MYRIP: variants seen among roughly 807,000 people sequenced by gnomAD.
MYRIP encodes the protein rab effector MyRIP.
In MYRIP, 49 loss-of-function variants were observed where a neutral mutation model predicts 98.0. That is an observed-to-expected ratio of 0.50 (90% CI 0.40 to 0.63). MYRIP has a LOEUF of 0.63. Ranked by LOEUF, MYRIP falls within the 30% of genes least tolerant of loss-of-function variation. MYRIP has a pLI of 0.00. For missense variants in MYRIP, 1,004 were observed against 1,058.2 expected, an observed-to-expected ratio of 0.95 and a Z score of 0.71; for synonymous variants, 404 against 409.5, an observed-to-expected ratio of 0.99 and a Z score of 0.16.
intron 2 of MYRIP, among the ~76,000 whole-genome samples, chr3:40,029,855 T>C (rs1947218313): frequency 6.6e-6 from 1 of 151,942 alleles, no homozygotes; most frequent in Middle Eastern, 3.2e-3. Flanking sequence ...AAGCTAGGAA[T>C]TTGAGACCAG....
intron 1 of MYRIP, among the ~76,000 whole-genome samples, chr3:39,877,123 G>A (rs1943021515): frequency 6.6e-6 from 1 of 152,196 alleles, no homozygotes; most frequent in East Asian, 1.9e-4. Context: ...CTTTCTTCCA[G>A]TTGATCGCAT....
At chr3:39,811,381 G>T (rs370762471) in intron 1 of MYRIP, among the ~76,000 whole-genome samples, 2 of 152,088 alleles carry the variant, frequency 1.3e-5, no homozygotes, top group Non-Finnish European at 2.9e-5. Flanking sequence ...TTAAAAAGTC[G>T]AAGGAAGATG....
intron 10 of MYRIP, among the ~76,000 whole-genome samples, chr3:40,202,906 C>CTTACTTATTTATTTATTTAT (rs369594921): frequency 1.4e-4 from 20 of 142,424 alleles, no homozygotes; most frequent in East Asian, 4.2e-4. Context: ...CCTCCATTTA[C>CTTACTTATTTATTTATTTAT]TTATTTATTT....
chr3:39,896,692 T>C (rs986357722), intron 1 of MYRIP, among the ~76,000 whole-genome samples: 1 of 152,206 alleles, frequency 6.6e-6, no homozygotes, highest in Non-Finnish European at 1.5e-5. Context: ...TTATATCAGG[T>C]GCATTATCAC....
intron 2 of MYRIP, among the ~76,000 whole-genome samples, chr3:39,995,917 C>A (rs551219783): frequency 1.2e-4 from 18 of 152,248 alleles, no homozygotes; most frequent in South Asian, 2.1e-4. Flanking sequence ...CCAGAATTTC[C>A]TATCCAGCCA....
intron 5 of MYRIP, among the ~76,000 whole-genome samples, chr3:40,165,963 G>A (rs1950491595): frequency 6.6e-6 from 1 of 152,054 alleles, no homozygotes; most frequent in Non-Finnish European, 1.5e-5. Context: ...TGTACCTTGG[G>A]TGAGTTATTT....
chr3:40,030,374 AC>A (rs1947232432), intron 2 of MYRIP, among the ~76,000 whole-genome samples: 1 of 151,952 alleles, frequency 6.6e-6, no homozygotes, highest in African/African-American at 2.4e-5. Flanking sequence ...AGAAATTCGA[AC>A]CCTCACATCT....
intron 1 of MYRIP, among the ~76,000 whole-genome samples, chr3:39,825,112 T>G (rs1173556627): frequency 3.3e-5 from 5 of 152,194 alleles, no homozygotes; most frequent in Non-Finnish European, 5.9e-5. Flanking sequence ...GTATTTTGAT[T>G]TTTTGCTATA....
intron 11 of MYRIP, among the ~76,000 whole-genome samples, chr3:40,232,359 T>G (rs1483633657): frequency 6.6e-6 from 1 of 152,240 alleles, no homozygotes. Context: ...ACTCAGCCAC[T>G]AATTTGTCAT....
At chr3:39,929,620 C>A (rs1575388662) in intron 2 of MYRIP, among the ~76,000 whole-genome samples, 1 of 152,018 alleles carries the variant, frequency 6.6e-6, no homozygotes, top group Non-Finnish European at 1.5e-5. Context: ...TTACATAGCA[C>A]AAAAGTCACC....
chr3:40,091,221 G>A (rs956649139), intron 3 of MYRIP, among the ~76,000 whole-genome samples: 9 of 151,350 alleles, frequency 5.9e-5, no homozygotes, highest in Non-Finnish European at 1.0e-4. Flanking sequence ...TAACTGAGAG[G>A]GTAGAGTAGA....
intron 2 of MYRIP, among the ~76,000 whole-genome samples, chr3:39,936,325 T>G (rs1944654725): frequency 6.6e-6 from 1 of 152,226 alleles, no homozygotes; most frequent in African/African-American, 2.4e-5. Flanking sequence ...ACACTAGCCT[T>G]GGCTCTAGTC....
At chr3:40,116,191 G>A (rs1371915927) in intron 3 of MYRIP, among the ~76,000 whole-genome samples, 1 of 152,200 alleles carries the variant, frequency 6.6e-6, no homozygotes, top group African/African-American at 2.4e-5. Flanking sequence ...TCCCTGTGAT[G>A]TGTTTTGCCC....
intron 3 of MYRIP, among the ~76,000 whole-genome samples, chr3:40,138,344 T>C (rs373123671): frequency 2.2e-4 from 34 of 152,322 alleles, no homozygotes; most frequent in African/African-American, 7.9e-4. Flanking sequence ...CCTCTAGCCC[T>C]GTAAGGCACA....
intron 1 of MYRIP, among the ~76,000 whole-genome samples, chr3:39,838,784 G>A (rs971399111): frequency 4.7e-4 from 71 of 152,230 alleles, no homozygotes; most frequent in African/African-American, 1.7e-3. Flanking sequence ...AGAAGGAATG[G>A]TACCAGCTCC....
intron 1 of MYRIP, among the ~76,000 whole-genome samples, chr3:39,886,695 C>T (rs1425630185): frequency 1.3e-5 from 2 of 151,514 alleles, no homozygotes; most frequent in Non-Finnish European, 3.0e-5. Context: ...AAAGCAAGTC[C>T]TGAGTGACCT....
intron 3 of MYRIP, among the ~76,000 whole-genome samples, chr3:40,145,913 G>A (rs1949999710): frequency 6.6e-6 from 1 of 152,126 alleles, no homozygotes; most frequent in Admixed American, 6.5e-5. Context: ...GAAAAAACAA[G>A]TTATAAAACA....
intron 2 of MYRIP, among the ~76,000 whole-genome samples, chr3:39,910,590 T>C (rs1052098903): frequency 3.9e-5 from 6 of 152,266 alleles, no homozygotes; most frequent in Admixed American, 2.0e-4. Context: ...AAATAAATGC[T>C]AGATTTCAAA....
intron 1 of MYRIP, among the ~76,000 whole-genome samples, chr3:39,860,299 C>T (rs1942431722): frequency 6.6e-6 from 1 of 152,212 alleles, no homozygotes; most frequent in African/African-American, 2.4e-5. Context: ...AACACTTGAG[C>T]TTGCAGGGAG....
Sources: allele counts gnomAD v4.1 joint callset (sites outside exome capture counted in the v4.1 genomes callset), GRCh38; gene constraint gnomAD v4.1.1; transcripts MANE v1.5; gene names NCBI Gene and HGNC (gene_info 2026-07-23, HGNC 2026-07-21).